MAP3K7CL: variants seen among roughly 807,000 people sequenced by gnomAD.
The protein encoded by MAP3K7CL is MAP3K7 C-terminal like.
MAP3K7CL carries 16 observed loss-of-function variants against 18.6 expected under a neutral mutation model. That is an observed-to-expected ratio of 0.86 (90% confidence interval 0.58 to 1.31). The LOEUF is 1.31. Among genes scored for constraint, MAP3K7CL ranks in the 50% most tolerant of loss-of-function variants. The probability of loss-of-function intolerance (pLI) is 0.00; values close to 1 mark genes in which losing one functional copy is unlikely to be tolerated. For synonymous variants in MAP3K7CL, 65 were observed against 66.8 expected (o/e 0.97, Z 0.13); for missense variants, 163 against 174.4 (o/e 0.93, Z 0.37).
At chr21:29,099,342 C>A (rs1280992124) in intron 4 of MAP3K7CL, among the ~76,000 whole-genome samples, 2 of 146,772 alleles carry the variant, frequency 1.4e-5, no homozygotes, top group Admixed American at 7.0e-5. Flanking sequence ...CGGGTTCAAG[C>A]CATTTTCCTG....
chr21:29,114,960 T>A (rs2086480821), intron 4 of MAP3K7CL, among the ~76,000 whole-genome samples: 1 of 152,242 alleles, frequency 6.6e-6, no homozygotes, highest in Non-Finnish European at 1.5e-5. Context: ...ACTTGACCTT[T>A]GACACAGAGC....
intron 4 of MAP3K7CL, among the ~76,000 whole-genome samples, chr21:29,110,523 A>G (rs1310324552): frequency 1.3e-5 from 2 of 152,058 alleles, no homozygotes; most frequent in African/African-American, 4.8e-5. Flanking sequence ...CAGTCTCCCA[A>G]GTAGCTGGGA....
At chr21:29,121,117 A>G (rs2086588275) in intron 4 of MAP3K7CL, among the ~76,000 whole-genome samples, 1 of 142,014 alleles carries the variant, frequency 7.0e-6, no homozygotes, top group South Asian at 2.3e-4. Flanking sequence ...CATTCATGAA[A>G]CCGTATTGCA....
At chr21:29,113,422 C>T (rs533121744) in intron 4 of MAP3K7CL, among the ~76,000 whole-genome samples, 15 of 152,310 alleles carry the variant, frequency 9.8e-5, no homozygotes, top group African/African-American at 3.6e-4. Flanking sequence ...CTCCCAGAGG[C>T]CTTCCCCCAT....
intron 4 of MAP3K7CL, among the ~76,000 whole-genome samples, chr21:29,166,308 T>A (rs61365055): frequency 0.031 from 4,655 of 152,288 alleles, 206 homozygotes; most frequent in African/African-American, 0.095. Context: ...GTCCTCCAGG[T>A]TCATCCATGT....
chr21:29,133,013 T>A (rs540449561), intron 1 of MAP3K7CL, among the ~76,000 whole-genome samples: 20 of 152,312 alleles, frequency 1.3e-4, no homozygotes, highest in Middle Eastern at 3.4e-3. Context: ...AGGATTGAAC[T>A]GGTCCGTGTA....
chr21:29,138,842 G>A (rs1400727950), intron 2 of MAP3K7CL, among the ~76,000 whole-genome samples: 2 of 152,074 alleles, frequency 1.3e-5, no homozygotes, highest in African/African-American at 2.4e-5. Flanking sequence ...AGCCAGGTGT[G>A]GTGGTGCATG....
At position 29,092,544 on chromosome 21, in the gene MAP3K7CL, TA is replaced by T. The variant is rs2086046995; in HGVS notation, c.334del (p.Ile112LeufsTer28). On this transcript the variant is annotated frameshift_variant, in exon 4 of 7. Transcript: ENST00000286791. LOFTEE classifies it high-confidence loss of function. Reference sequence around the variant, plus strand: ...GGATGCTCACTCTGAAGCCAAAGTCTATTACTGTGCCCGTGGAAATCCCCAG... The same window carrying T: ...GGATGCTCACTCTGAAGCCAAAGTCTTTACTGTGCCCGTGGAAATCCCCAG... The T allele has an allele frequency of 1.2e-6, 2 of 1,614,098 alleles. No individual in the cohort carries two copies. Among genetic ancestry groups the T allele is most frequent in the Non-Finnish European group, 1.7e-6 (2 of 1,180,028 alleles).
chr21:29,166,643 A>G (rs1030005739), intron 4 of MAP3K7CL, among the ~76,000 whole-genome samples: 2 of 152,230 alleles, frequency 1.3e-5, no homozygotes, highest in African/African-American at 4.8e-5. Flanking sequence ...TTTCATACAA[A>G]TGGAATCATA....
chr21:29,154,367 C>T (rs1369337858), intron 3 of MAP3K7CL, among the ~76,000 whole-genome samples: 1 of 149,946 alleles, frequency 6.7e-6, no homozygotes, highest in Non-Finnish European at 1.5e-5. Flanking sequence ...TTCATTAAGC[C>T]AAGGTGCTTC....
chr21:29,083,971 A>C (rs1298789792), upstream of MAP3K7CL, among the ~76,000 whole-genome samples: 1 of 147,162 alleles, frequency 6.8e-6, no homozygotes, highest in East Asian at 1.9e-4. Context: ...AATATATATA[A>C]TTGTATATAA....
chr21:29,123,046 AGAAATGATCTTTTT>A (rs1280251796), intron 4 of MAP3K7CL, among the ~76,000 whole-genome samples: 1 of 78,870 alleles, frequency 1.3e-5, no homozygotes, highest in Non-Finnish European at 2.8e-5. Flanking sequence ...ATACTGGAGA[AGAAATGATCTTTTT>A]TTTTTTTTTT....
intron 3 of MAP3K7CL, chr21:29,092,302 A>AACTCCAGATTATAGG: frequency 1.1e-6 from 1 of 946,264 alleles, no homozygotes; most frequent in Non-Finnish European, 1.6e-6. Context: ...TCCAGATTTA[A>AACTCCAGATTATAGG]ACCATTAACA....
At chr21:29,161,588 T>G (rs1381551635) in intron 4 of MAP3K7CL, among the ~76,000 whole-genome samples, 1 of 152,186 alleles carries the variant, frequency 6.6e-6, no homozygotes, top group Non-Finnish European at 1.5e-5. Context: ...AATTAAAGAT[T>G]ATTAATAATG....
At chr21:29,139,229 GCT>G (rs751929925) in intron 2 of MAP3K7CL, 11 of 152,248 alleles carry the variant, frequency 7.2e-5, no homozygotes, top group Non-Finnish European at 1.6e-4. Context: ...TCTAAAACTG[GCT>G]CTCAGCAAAA....
chr21:29,166,940 T>C (rs974685101), intron 4 of MAP3K7CL, among the ~76,000 whole-genome samples: 5 of 152,172 alleles, frequency 3.3e-5, no homozygotes, highest in Admixed American at 3.3e-4. Flanking sequence ...AATTGTTGGC[T>C]CATATTATAA....
chr21:29,130,760 A>G lies in MAP3K7CL; in HGVS notation c.-203A>G. ...TGGGGTCTGGGGCAGAGCAGGTAGC[A>G]GCGTGCTGCCCTGACAGCTGTCTCC... On this transcript the variant is annotated 5_prime_UTR_variant, in exon 1 of 5. Coordinates refer to ENST00000399928, the MANE Select transcript of MAP3K7CL (RefSeq NM_001286620.2). 1.0e-6 allele frequency: 1 copy of G among 985,568 alleles called. No individual in the cohort carries two copies. Among genetic ancestry groups the G allele is most frequent in the Non-Finnish European group, 1.2e-6 (1 of 830,022 alleles). The allele number at this position is 985,568 out of a possible 1,614,324, so 61.1% of individuals were successfully genotyped here.
At chr21:29,141,090 T>C (rs766305431) in intron 2 of MAP3K7CL, among the ~76,000 whole-genome samples, 3 of 152,232 alleles carry the variant, frequency 2.0e-5, no homozygotes, top group Non-Finnish European at 4.4e-5. Flanking sequence ...TAAGTTCTTC[T>C]TGAGGCAGGT....
intron 4 of MAP3K7CL, among the ~76,000 whole-genome samples, chr21:29,113,417 A>T (rs2146566696): frequency 6.6e-6 from 1 of 152,314 alleles, no homozygotes; most frequent in Non-Finnish European, 1.5e-5. Flanking sequence ...CTGTTCTCCC[A>T]GAGGCCTTCC....
Sources: allele counts gnomAD v4.1 joint callset (sites outside exome capture counted in the v4.1 genomes callset), GRCh38; gene constraint gnomAD v4.1.1; transcripts MANE v1.5; gene names NCBI Gene and HGNC (gene_info 2026-07-23, HGNC 2026-07-21).